Variants in CXorf58 observed in about 807,000 individuals in gnomAD.
CXorf58 encodes chromosome X open reading frame 58.
CXorf58 carries 24 observed loss-of-function variants against 26.0 expected under a neutral mutation model. The observed-to-expected ratio is 0.92, with a 90% CI of 0.67 to 1.30. The LOEUF is 1.30. Ranked by LOEUF, CXorf58 falls within the 50% of genes most tolerant of loss-of-function variation. The pLI is 0.00. For missense variants in CXorf58, 236 were observed against 263.9 expected (o/e 0.89, Z 0.73); for synonymous variants, 87 against 86.1 (o/e 1.01, Z -0.06).
chrX:23,921,456 T>A (rs1279844629), intron 5 of CXorf58, among the ~76,000 whole-genome samples: 3 of 111,799 alleles, frequency 2.7e-5, no homozygotes, highest in African/African-American at 9.7e-5. Context: ...TGACCTTGAA[T>A]TTTTCACTAA....
intron 3 of CXorf58, 98 bp downstream of exon 3, chrX:23,911,954 T>G (rs896395188): frequency 8.6e-6 from 1 of 116,276 alleles, no homozygotes. Flanking sequence ...TTATCTCCTC[T>G]TTTTTTTTTT....
intron 5 of CXorf58, among the ~76,000 whole-genome samples, chrX:23,921,505 C>G (rs1198068542): frequency 1.8e-5 from 2 of 111,957 alleles, no homozygotes; most frequent in Non-Finnish European, 3.8e-5. Context: ...ACATACCCAA[C>G]TTGAACAGTT....
intron 6 of CXorf58, among the ~76,000 whole-genome samples, chrX:23,934,636 A>G (rs1371129710): frequency 3.6e-5 from 4 of 111,394 alleles, no homozygotes; most frequent in African/African-American, 9.8e-5. Context: ...GGTTTGTTAC[A>G]TATGTATACA....
chrX:23,931,571 GA>G lies in CXorf58; in HGVS notation c.556-3617del, dbSNP rs1266214184. ...TTACCCATTTTACTACTTCACTCAG[GA>G]AAAAAAATACCCAGCCTTACTTTGC... On this transcript the variant is annotated intron_variant, in intron 6 of 8. Coordinates refer to ENST00000379211, the MANE Select transcript of CXorf58 (RefSeq NM_152761.3). Among the ~76,000 whole-genome samples the G allele has an allele frequency of 8.1e-5, 9 of 111,735 alleles. No individual in the cohort carries two copies. The East Asian group carries it at 2.2e-3, about 28-fold the overall frequency.
chrX:23,939,339 A>G lies in CXorf58; in HGVS notation c.*36A>G, dbSNP rs373568285. On this transcript the variant is annotated 3_prime_UTR_variant, in exon 9 of 9. Transcript: ENST00000379211. ...ACTAAGGAATCTATGTCAGAGTGTC[A>G]GCTGGAAAAAGAAAAAAGGACTCAT... is the stretch of plus-strand genomic sequence containing the variant. The G allele has an allele frequency of 1.7e-5, 17 of 1,008,418 alleles. No homozygotes were observed. Among genetic ancestry groups the G allele is most frequent in the Non-Finnish European group, 2.2e-5 (16 of 733,576 alleles). The allele number at this position is 1,008,418 out of a possible 1,213,427, so 83.1% of individuals were successfully genotyped here.
At chrX:23,936,850 C>G (rs762831655) in intron 7 of CXorf58, among the ~76,000 whole-genome samples, 1 of 111,741 alleles carries the variant, frequency 8.9e-6, no homozygotes, top group African/African-American at 3.2e-5. Flanking sequence ...TAGATTTTCT[C>G]TAACTCATCC....
Position 23,929,417 on chromosome X carries a change from A to G in CXorf58, c.555+2047A>G, listed in dbSNP as rs1163228214. Reference sequence around the variant, plus strand: ...TGAGACTGTGTCTCAAAAAAAAAAAAAAAAAGAAAAAGAAAAAAAAAGAAA... The same window carrying G: ...TGAGACTGTGTCTCAAAAAAAAAAAGAAAAAGAAAAAGAAAAAAAAAGAAA... On this transcript the variant is annotated intron_variant, in intron 6 of 8. Coordinates refer to ENST00000379211, the MANE Select transcript of CXorf58 (RefSeq NM_152761.3). 4.5e-5 allele frequency among the ~76,000 whole-genome samples: 4 copies of G among 88,705 alleles called. No homozygotes were observed. In the East Asian group the frequency reaches 2.7e-3, roughly 60 times the overall value. The allele number at this position is 88,705 out of a possible 115,157, so 77.0% of individuals were successfully genotyped here. A position where few individuals can be genotyped will look rare whatever the true frequency, so the allele number is the denominator to read the frequency against.
rs142810134 is a variant in CXorf58 at position 23,913,612 on chromosome X, G to A, written c.216+1756G>A. ...TCTGATGTCAGTAAAAGCAGAATAC[G>A]GCTGGGCACAGTGGCTCACACCTGT... On this transcript the variant is annotated intron_variant, in intron 3 of 8. Coordinates refer to ENST00000379211, the MANE Select transcript of CXorf58 (RefSeq NM_152761.3). Among the ~76,000 whole-genome samples, 515 of 111,972 alleles carry A rather than the reference G, an allele frequency of 4.6e-3. 3 individuals carry two copies. The highest frequency in any genetic ancestry group is 0.015 in the African/African-American group (460 of 30,877).
rs765720306 is a variant in CXorf58, at chrX:23,908,038, C to T, written c.-312C>T. The T allele has an allele frequency of 2.1e-4, 41 of 196,381 alleles. No individual in the cohort carries two copies. Among genetic ancestry groups the T allele is most frequent in the Non-Finnish European group, 2.8e-4 (30 of 106,963 alleles). The allele number at this position is 196,381 out of a possible 1,213,427, so 16.2% of individuals were successfully genotyped here. A position where few individuals can be genotyped will look rare whatever the true frequency, so the allele number is the denominator to read the frequency against. On this transcript the variant is annotated 5_prime_UTR_variant, in exon 1 of 9. Transcript: ENST00000379211. ...GTACGCGGAGGCGCGAGGAGGGAGG[C>T]GCCTGGCGTTGCCGCGGCGCTGGGA...
chrX:23,915,520 A>G (rs1011493612), intron 3 of CXorf58, among the ~76,000 whole-genome samples, 180 bp from the exon 4 acceptor site: 3 of 112,076 alleles, frequency 2.7e-5, no homozygotes, highest in Non-Finnish European at 5.6e-5. Context: ...GGCCAAAATG[A>G]TTAAGTAACT....
chrX:23,921,038 A>T (rs1001039253), intron 5 of CXorf58, among the ~76,000 whole-genome samples: 1 of 111,471 alleles, frequency 9.0e-6, no homozygotes, highest in African/African-American at 3.3e-5. Context: ...TGCCACATTT[A>T]TGTATAGAAT....
chrX:23,910,347 A>G lies in CXorf58; in HGVS notation c.45A>G (p.Ser15=). Residue 15 remains serine, a synonymous_variant, in exon 2 of 9, where the codon TCA becomes TCG. Coordinates refer to ENST00000379211, the MANE Select transcript of CXorf58 (RefSeq NM_152761.3). ...SNVPRKGILK[S]GTRSLQKVRR... is the part of the protein sequence containing the mutation. ...TACCACGTAAAGGTATTCTGAAATCAGGTACAAGATCCTTACAAAAAGTTC... is the reference window on the plus strand; with the variant it reads ...TACCACGTAAAGGTATTCTGAAATCGGGTACAAGATCCTTACAAAAAGTTC... 1 of 1,197,727 alleles carries G rather than the reference A, an allele frequency of 8.3e-7. No individual in the cohort carries two copies. Among genetic ancestry groups the G allele is most frequent in the Non-Finnish European group, 1.1e-6 (1 of 885,169 alleles).
At position 23,939,306 on chromosome X, in the gene CXorf58, T is replaced by C. The variant is rs757358117; in HGVS notation, c.*3T>C. Reference sequence around the variant, plus strand: ...ATCATCTCCACTCCATCTTTTGACATTGTGAAAACTAAGGAATCTATGTCA... The same window carrying C: ...ATCATCTCCACTCCATCTTTTGACACTGTGAAAACTAAGGAATCTATGTCA... On this transcript the variant is annotated 3_prime_UTR_variant, in exon 9 of 9. Coordinates refer to ENST00000379211, the MANE Select transcript of CXorf58 (RefSeq NM_152761.3). 1.6e-5 allele frequency: 19 copies of C among 1,157,048 alleles called. No individual in the cohort carries two copies. In the South Asian group the frequency reaches 3.3e-4, roughly 20 times the overall value.
chrX:23,914,879 A>G lies in CXorf58; in HGVS notation c.217-821A>G, dbSNP rs1173469122. On this transcript the variant is annotated intron_variant, in intron 3 of 8. Coordinates refer to ENST00000379211, the MANE Select transcript of CXorf58 (RefSeq NM_152761.3). The stretch of plus-strand genomic sequence containing the variant: ...AGCCTGAGTGGTGGCTCACACCTGT[A>G]ATCCCAGCACTTTGGGAGGCTGAGG... 5.6e-5 allele frequency among the ~76,000 whole-genome samples: 6 copies of G among 107,955 alleles called. No individual in the cohort carries two copies. In the Admixed American group the frequency reaches 5.9e-4, roughly 11 times the overall value. 93.7% of individuals were successfully genotyped at this position (107,955 alleles called of 115,157 possible). A position where few individuals can be genotyped will look rare whatever the true frequency, so the allele number is the denominator to read the frequency against.
chrX:23,934,007 G>C (rs779806922), intron 6 of CXorf58, among the ~76,000 whole-genome samples: 9 of 108,257 alleles, frequency 8.3e-5, no homozygotes, highest in Non-Finnish European at 1.7e-4. Flanking sequence ...CTCCAGCCTG[G>C]GTGACAGGAT....
chrX:23,917,808 G>A (rs1450563156), intron 5 of CXorf58, among the ~76,000 whole-genome samples: 2 of 111,884 alleles, frequency 1.8e-5, no homozygotes, highest in Admixed American at 9.5e-5. Flanking sequence ...AAATGCTGCC[G>A]CTGCTGCTGG....
chrX:23,915,917 T>C, intron 4 of CXorf58, 123 bp downstream of exon 4: 1 of 481,594 alleles, frequency 2.1e-6, no homozygotes, highest in Non-Finnish European at 3.5e-6. Context: ...GTGTTATTCT[T>C]ATTTACATTT....
chrX:23,915,344 A>C (rs1390638355), intron 3 of CXorf58, among the ~76,000 whole-genome samples: 1 of 112,040 alleles, frequency 8.9e-6, no homozygotes, highest in Non-Finnish European at 1.9e-5. Context: ...GATGCTAGGA[A>C]TATAGTGGTA....
chrX:23,930,176 G>A (rs1430434364), intron 6 of CXorf58, among the ~76,000 whole-genome samples: 27 of 69,669 alleles, frequency 3.9e-4, no homozygotes, highest in Non-Finnish European at 6.3e-4. Context: ...CAGCCTGGGT[G>A]ACAGGGCAAG....
Sources: gnomAD v4.1 joint callset for allele counts (sites outside exome capture counted in the v4.1 genomes callset) on GRCh38, gnomAD v4.1.1 for gene constraint, MANE v1.5 for transcripts, NCBI Gene and HGNC (gene_info 2026-07-23, HGNC 2026-07-21) for gene names.